Variants in DOCK1 observed in about 807,000 individuals in gnomAD.
DOCK1 encodes dedicator of cytokinesis protein 1.
In DOCK1, 138 loss-of-function variants were observed where a neutral mutation model predicts 262.7. The observed-to-expected ratio is 0.53, with a 90% CI of 0.46 to 0.61. DOCK1 has a LOEUF of 0.61. Ranked by LOEUF, DOCK1 falls within the 20% of genes least tolerant of loss-of-function variation. The pLI is 0.00. For synonymous variants in DOCK1, 866 were observed against 867.4 expected, an observed-to-expected ratio of 1.00 and a Z score of 0.03; for missense variants, 1,908 against 2,370.7, an observed-to-expected ratio of 0.80 and a Z score of 4.05.
intron 44 of DOCK1, 92 bp downstream of exon 44, chr10:127,415,330 C>A: frequency 7.8e-7 from 1 of 1,284,320 alleles, no homozygotes; most frequent in Non-Finnish European, 1.1e-6. Flanking sequence ...CCCGTGGTCA[C>A]TGTGGCAGCG....
rs576644284 is a variant in DOCK1, at chr10:127,057,086, G to A, written c.2336+4271G>A. On this transcript the variant is annotated intron_variant, in intron 22 of 51. Coordinates refer to ENST00000623213, the MANE Select transcript of DOCK1 (RefSeq NM_001290223.2). ...TCCTAGCTTGTATAGGCTACTTAAAGGAAAAAGAGCCCCACGTCCCACACA... is the reference window on the plus strand; with the variant it reads ...TCCTAGCTTGTATAGGCTACTTAAAAGAAAAAGAGCCCCACGTCCCACACA... Among the ~76,000 whole-genome samples, 11 of 152,056 alleles carry A rather than the reference G, an allele frequency of 7.2e-5. No individual in the cohort carries two copies. The South Asian group carries it at 1.2e-3, about 17-fold the overall frequency.
intron 46 of DOCK1, among the ~76,000 whole-genome samples, chr10:127,420,711 C>T (rs1349102053): frequency 1.3e-5 from 2 of 151,748 alleles, no homozygotes; most frequent in Non-Finnish European, 2.9e-5. Context: ...TGGTGGTGCA[C>T]GCCTATAATC....
intron 47 of DOCK1, among the ~76,000 whole-genome samples, chr10:127,430,983 G>A (rs1447295072): frequency 2.0e-5 from 3 of 152,206 alleles, no homozygotes; most frequent in African/African-American, 7.2e-5. Context: ...CAGCCATCAG[G>A]GTAAGGAGCC....
Position 127,078,005 on chromosome 10 carries a change from G to A in DOCK1, c.2445+16229G>A, listed in dbSNP as rs912028211. On this transcript the variant is annotated intron_variant, in intron 23 of 51. Transcript: ENST00000623213. ...GGCAGGAGTGGAGGCAGGCAGCCTCGTTCCACCCCTGGTATTCAGAGCCGA... is the reference window on the plus strand; with the variant it reads ...GGCAGGAGTGGAGGCAGGCAGCCTCATTCCACCCCTGGTATTCAGAGCCGA... Among the ~76,000 whole-genome samples, 4 of 152,208 alleles carry A rather than the reference G, an allele frequency of 2.6e-5. No homozygotes were observed. In the Middle Eastern group the frequency reaches 0.01, roughly 388 times the overall value.
At chr10:127,130,065 C>CTTTTATTTTTTT (rs2050219551) in intron 27 of DOCK1, among the ~76,000 whole-genome samples, 1 of 117,546 alleles carries the variant, frequency 8.5e-6, no homozygotes, top group Admixed American at 8.6e-5. Flanking sequence ...TTAGGGTCTT[C>CTTTTATTTTTTT]TTTTTTTTTT....
rs146108691 is a variant in DOCK1 at position 127,260,698 on chromosome 10, C to T, written c.3044+3269C>T. 3.7e-3 allele frequency among the ~76,000 whole-genome samples: 466 copies of T among 125,072 alleles called. 7 individuals are homozygous for T. The highest frequency in any genetic ancestry group is 0.012 in the African/African-American group (381 of 30,996). 82.1% of individuals were successfully genotyped at this position (125,072 alleles called of 152,430 possible). On this transcript the variant is annotated intron_variant, in intron 29 of 51. Coordinates refer to ENST00000623213, the MANE Select transcript of DOCK1 (RefSeq NM_001290223.2). ...GTGTGCATGTGGGTGTGTGTGTACT[C>T]GTGCTCATCTGTGTGTCCTTGCATG...
At chr10:127,302,757 T>C (rs1351621037) in intron 29 of DOCK1, among the ~76,000 whole-genome samples, 1 of 149,844 alleles carries the variant, frequency 6.7e-6, no homozygotes, top group Non-Finnish European at 1.5e-5. Flanking sequence ...TGTGTGTGTG[T>C]GTGTGTGTGT....
At chr10:126,918,774 C>G (rs1183122701) in intron 1 of DOCK1, among the ~76,000 whole-genome samples, 1 of 152,216 alleles carries the variant, frequency 6.6e-6, no homozygotes, top group Non-Finnish European at 1.5e-5. Flanking sequence ...CAGCTGCTTA[C>G]TGTTACTAAT....
intron 31 of DOCK1, among the ~76,000 whole-genome samples, chr10:127,351,779 G>A (rs1338013477): frequency 6.6e-6 from 1 of 152,060 alleles, no homozygotes; most frequent in Non-Finnish European, 1.5e-5. Flanking sequence ...GGTGACAGCT[G>A]TGACTTTATT....
chr10:126,979,223 A>G (rs1389518705), intron 3 of DOCK1, among the ~76,000 whole-genome samples: 4 of 152,152 alleles, frequency 2.6e-5, no homozygotes, highest in Non-Finnish European at 5.9e-5. Context: ...CCCTTCCCCA[A>G]TCAAGAGTGA....
In DOCK1 at chr10:126,999,435, T is replaced by C. The variant is rs1184146736; in HGVS notation, c.849T>C (p.Thr283=). 6.2e-7 allele frequency: 1 copy of C among 1,612,656 alleles called. No homozygotes were observed. Among genetic ancestry groups the C allele is most frequent in the Non-Finnish European group, 8.5e-7 (1 of 1,179,226 alleles). The change falls in exon 9 of 52, where the codon ACT becomes ACC. Residue 283 remains threonine (T), a splice_region_variant and synonymous_variant. Coordinates refer to ENST00000623213, the MANE Select transcript of DOCK1 (RefSeq NM_001290223.2). The part of the protein sequence containing the change: ...DRLHNLRAVF[T]DLGSKDLKRE... ...TACATAATTTGCGAGCCGTGTTTAC[T>C]GTAAGTGCACCCAAAGATGCTTAGT...
intron 29 of DOCK1, among the ~76,000 whole-genome samples, chr10:127,283,160 C>A (rs538767919): frequency 6.6e-6 from 1 of 152,232 alleles, no homozygotes; most frequent in African/African-American, 2.4e-5. Context: ...AAGTTCTGCT[C>A]GGCTGCCTTG....
intron 27 of DOCK1, among the ~76,000 whole-genome samples, chr10:127,199,726 G>T (rs1228914072): frequency 6.6e-6 from 1 of 152,218 alleles, no homozygotes; most frequent in Non-Finnish European, 1.5e-5. Flanking sequence ...ACTGGTGCTG[G>T]ATCATTCTGT....
intron 29 of DOCK1, among the ~76,000 whole-genome samples, chr10:127,287,773 C>T (rs779758111): frequency 3.3e-5 from 5 of 151,914 alleles, no homozygotes; most frequent in Non-Finnish European, 4.4e-5. Context: ...TCTCTTATAA[C>T]GTGAAGATTG....
At chr10:127,107,739 C>T (rs779608465) in intron 24 of DOCK1, among the ~76,000 whole-genome samples, 15 of 152,202 alleles carry the variant, frequency 9.9e-5, no homozygotes, top group Admixed American at 2.6e-4. Context: ...CCTCCCTCCC[C>T]GTGCAGGTGC....
chr10:126,947,104 T>A (rs1162011651), intron 1 of DOCK1, among the ~76,000 whole-genome samples: 5 of 152,242 alleles, frequency 3.3e-5, no homozygotes, highest in Non-Finnish European at 5.9e-5. Context: ...AGTCTTTGCG[T>A]GCAGAAATGG....
At chr10:127,052,197 T>A (rs1372904377) in intron 21 of DOCK1, among the ~76,000 whole-genome samples, 1 of 152,242 alleles carries the variant, frequency 6.6e-6, no homozygotes, top group Admixed American at 6.5e-5. Flanking sequence ...GCCTTTGCTC[T>A]CAGAGGTATT....
intron 31 of DOCK1, among the ~76,000 whole-genome samples, chr10:127,353,248 C>T (rs573447335): frequency 3.9e-5 from 6 of 152,298 alleles, no homozygotes; most frequent in Admixed American, 3.3e-4. Flanking sequence ...CGTCAGCCTG[C>T]CAGGTCACCC....
chr10:126,967,692 C>G (rs1239412790), intron 1 of DOCK1, among the ~76,000 whole-genome samples: 2 of 152,176 alleles, frequency 1.3e-5, no homozygotes, highest in South Asian at 4.1e-4. Flanking sequence ...CTCTTTCTTG[C>G]ATCTCTTTGA....
Sources: allele counts gnomAD v4.1 joint callset (sites outside exome capture counted in the v4.1 genomes callset), GRCh38; gene constraint gnomAD v4.1.1; transcripts MANE v1.5; gene names NCBI Gene and HGNC (gene_info 2026-07-23, HGNC 2026-07-21).